WDR70: variants seen among roughly 807,000 people sequenced by gnomAD.
WDR70 encodes the protein WD repeat domain 70.
A neutral mutation model predicts 88.6 loss-of-function variants in WDR70; 53 were observed. That is an observed-to-expected ratio of 0.60 (90% CI 0.48 to 0.75). The LOEUF (loss-of-function observed/expected upper bound fraction) is 0.75. WDR70 is among the 30% of genes least tolerant of loss of function. The pLI, the probability that WDR70 is intolerant of heterozygous loss-of-function variation, is 0.00. For missense variants in WDR70, 610 were observed against 823.2 expected (o/e 0.74, Z 3.17); for synonymous variants, 280 against 270.0 (o/e 1.04, Z -0.36).
intron 7 of WDR70, among the ~76,000 whole-genome samples, chr5:37,457,499 G>A (rs1738879660): frequency 6.6e-6 from 1 of 152,252 alleles, no homozygotes; most frequent in Admixed American, 6.5e-5. Flanking sequence ...GTCTTATAGA[G>A]GGCAATTTGG....
intron 10 of WDR70, among the ~76,000 whole-genome samples, chr5:37,691,423 A>G (rs1746791237): frequency 6.6e-6 from 1 of 152,350 alleles, no homozygotes; most frequent in South Asian, 2.1e-4. Flanking sequence ...TCTCAGCACC[A>G]CATCAAACTT....
intron 7 of WDR70, among the ~76,000 whole-genome samples, chr5:37,467,255 CAA>C (rs1429066710): frequency 1.5e-4 from 23 of 149,968 alleles, no homozygotes; most frequent in East Asian, 3.9e-4. Context: ...AAAGAAAAAA[CAA>C]GAGATATTTC....
At chr5:37,584,227 C>T (rs986202115) in intron 9 of WDR70, among the ~76,000 whole-genome samples, 5 of 152,134 alleles carry the variant, frequency 3.3e-5, no homozygotes, top group African/African-American at 1.2e-4. Flanking sequence ...TAAATGTTAG[C>T]GATCATGATT....
At chr5:37,740,717 G>A (rs1748449233) in intron 17 of WDR70, among the ~76,000 whole-genome samples, 1 of 152,186 alleles carries the variant, frequency 6.6e-6, no homozygotes, top group Non-Finnish European at 1.5e-5. Flanking sequence ...CCACTCTTCA[G>A]TAGCATCATA....
chr5:37,410,366 T>C (rs1302681493), intron 5 of WDR70, among the ~76,000 whole-genome samples: 3 of 151,896 alleles, frequency 2.0e-5, no homozygotes, highest in African/African-American at 7.3e-5. Flanking sequence ...ACTTGAGTAC[T>C]GATGAAAACT....
chr5:37,572,653 A>T (rs1210266526), intron 9 of WDR70, among the ~76,000 whole-genome samples: 1 of 152,106 alleles, frequency 6.6e-6, no homozygotes, highest in Non-Finnish European at 1.5e-5. Flanking sequence ...TACCTCTAAA[A>T]ATACATATTG....
At chr5:37,413,720 CA>C (rs746817084) in intron 5 of WDR70, among the ~76,000 whole-genome samples, 6,212 of 107,976 alleles carry the variant, frequency 0.058, 321 homozygotes, top group African/African-American at 0.22. Context: ...GACTCTGTCT[CA>C]AAAAAAAAAA....
At position 37,722,677 on chromosome 5, in the gene WDR70, A is replaced by G. The variant is rs1581527339; in HGVS notation, c.1518-178A>G. On this transcript the variant is annotated intron_variant, in intron 14 of 17. Transcript: ENST00000265107. ...CACTGACTGACAGACTTGCTTTTCC[A>G]TAAGTTTAAGCTTTTATCACTGAGA... The G allele has an allele frequency of 8.3e-6, 5 of 599,250 alleles. No individual in the cohort carries two copies. The East Asian group carries it at 1.1e-4, about 13-fold the overall frequency. The allele number at this position is 599,250 out of a possible 1,614,324, so 37.1% of individuals were successfully genotyped here.
chr5:37,405,276 T>G (rs1055637805), intron 5 of WDR70, among the ~76,000 whole-genome samples: 1 of 152,018 alleles, frequency 6.6e-6, no homozygotes, highest in African/African-American at 2.4e-5. Context: ...ACAATAGATA[T>G]GTGTGGAACA....
chr5:37,679,376 G>A lies in WDR70; in HGVS notation c.1093-18279G>A, dbSNP rs547802760. Among the ~76,000 whole-genome samples, 241 of 121,402 alleles carry A rather than the reference G, an allele frequency of 2.0e-3. 6 individuals carry two copies. Among genetic ancestry groups the A allele is most frequent in the African/African-American group, 7.3e-3 (232 of 31,648 alleles). The allele number at this position is 121,402 out of a possible 152,430, so 79.6% of individuals were successfully genotyped here. Reference sequence around the variant, plus strand: ...ATCTTTATGGTTTTATCTACTTTTGGTCTTTGATGATGGTGATGTACAGAT... The same window carrying A: ...ATCTTTATGGTTTTATCTACTTTTGATCTTTGATGATGGTGATGTACAGAT... On this transcript the variant is annotated intron_variant, in intron 10 of 17. Coordinates refer to ENST00000265107, the MANE Select transcript of WDR70 (RefSeq NM_018034.4).
intron 8 of WDR70, among the ~76,000 whole-genome samples, chr5:37,514,339 C>CTAT (rs1740813745): frequency 3.5e-5 from 1 of 28,728 alleles, no homozygotes; most frequent in African/African-American, 5.6e-5. Context: ...TTTAGAACTA[C>CTAT]ATATATATAT....
In WDR70 at chr5:37,697,606, C is replaced by CGG. The variant is rs761829026; in HGVS notation, c.1093-49_1093-48insGG. On this transcript the variant is annotated intron_variant, in intron 10 of 17. Coordinates refer to ENST00000265107, the MANE Select transcript of WDR70 (RefSeq NM_018034.4). ...AATGTTCTTGCCACAAAACTGTTCTCTTCTGAATTGAGGTGAGATATTAAC... is the reference window on the plus strand; with the variant it reads ...AATGTTCTTGCCACAAAACTGTTCTCGGTTCTGAATTGAGGTGAGATATTAAC... 7.2e-5 allele frequency: 107 copies of CGG among 1,488,550 alleles called. No individual in the cohort carries two copies. The African/African-American group carries it at 1.3e-3, about 18-fold the overall frequency. The allele number at this position is 1,488,550 out of a possible 1,614,324, so 92.2% of individuals were successfully genotyped here. A position where few individuals can be genotyped will look rare whatever the true frequency, so the allele number is the denominator to read the frequency against.
intron 11 of WDR70, among the ~76,000 whole-genome samples, chr5:37,699,323 T>G (rs1747073333): frequency 8.2e-6 from 1 of 122,210 alleles, no homozygotes; most frequent in Non-Finnish European, 1.7e-5. Context: ...TTACTTTCCT[T>G]TCCATCATAC....
rs1239209604 is a variant in WDR70, at chr5:37,437,939, T to A, written c.510T>A (p.Ile170=). The A allele has an allele frequency of 6.2e-7, 1 of 1,609,902 alleles. No individual in the cohort carries two copies. Among genetic ancestry groups the A allele is most frequent in the South Asian group, 1.1e-5 (1 of 90,448 alleles). ...EEEEENPVHK[I]PDSHEITLKH... is the part of the protein sequence containing the mutation. ...TGTTTCAGAATCCTGTTCACAAGAT[T>A]CCTGACTCGCATGAGATAACGCTGA... Residue 170 remains isoleucine, a synonymous_variant, in exon 6 of 18, where the codon ATT becomes ATA. Coordinates refer to ENST00000265107, the MANE Select transcript of WDR70 (RefSeq NM_018034.4).
At chr5:37,714,680 C>T (rs2112684100) in intron 13 of WDR70, among the ~76,000 whole-genome samples, 1 of 152,284 alleles carries the variant, frequency 6.6e-6, no homozygotes, top group South Asian at 2.1e-4. Context: ...ATTTGCCTTG[C>T]AGGACGACCA....
intron 13 of WDR70, among the ~76,000 whole-genome samples, chr5:37,709,125 GA>G (rs1747440468): frequency 6.6e-6 from 1 of 152,272 alleles, no homozygotes; most frequent in South Asian, 2.1e-4. Flanking sequence ...AAACTTGAAA[GA>G]CTACATTTGG....
chr5:37,589,467 T>G (rs933751423), intron 9 of WDR70, among the ~76,000 whole-genome samples: 8 of 152,212 alleles, frequency 5.3e-5, no homozygotes, highest in African/African-American at 1.9e-4. Flanking sequence ...TGTTGAGTAC[T>G]GTTTCACCTG....
chr5:37,723,013 G>A, intron 15 of WDR70, 79 bp downstream of exon 15: 1 of 1,541,566 alleles, frequency 6.5e-7, no homozygotes, highest in Non-Finnish European at 9.0e-7. Context: ...TTTAGAGACA[G>A]AGAAAGCCCT....
At chr5:37,694,391 G>A (rs115406848) in intron 10 of WDR70, among the ~76,000 whole-genome samples, 110 of 152,220 alleles carry the variant, frequency 7.2e-4, no homozygotes, top group African/African-American at 2.6e-3. Flanking sequence ...ATAGAGACAC[G>A]TGCTCACGTA....
Sources: gnomAD v4.1 joint callset for allele counts (sites outside exome capture counted in the v4.1 genomes callset) on GRCh38, gnomAD v4.1.1 for gene constraint, MANE v1.5 for transcripts, NCBI Gene and HGNC (gene_info 2026-07-23, HGNC 2026-07-21) for gene names.